Variants in TMC7 observed in about 807,000 individuals in gnomAD.
TMC7 encodes the protein transmembrane channel-like protein 7.
Under a neutral mutation model 82.9 loss-of-function variants are expected in TMC7, and 54 were observed. The observed-to-expected ratio is 0.65, with a 90% confidence interval of 0.52 to 0.82. The LOEUF (loss-of-function observed/expected upper bound fraction) is 0.82, where lower values mean the gene tolerates loss of function less well. Ranked by LOEUF, TMC7 falls within the 40% of genes least tolerant of loss-of-function variation. TMC7 has a pLI of 0.00. For missense variants in TMC7, 820 were observed against 901.2 expected (o/e 0.91, Z 1.15); for synonymous variants, 350 against 337.9 (o/e 1.04, Z -0.39).
At chr16:18,987,385 A>T (rs560226287) in intron 1 of TMC7, among the ~76,000 whole-genome samples, 12 of 151,978 alleles carry the variant, frequency 7.9e-5, no homozygotes, top group South Asian at 6.2e-4. Context: ...ATCTCGGCTC[A>T]CCACAACCTC....
In TMC7 at chr16:19,061,891, T is replaced by C. The variant is rs1962027637; in HGVS notation, c.*48T>C. The C allele has an allele frequency of 1.3e-6, 2 of 1,530,240 alleles. No individual in the cohort carries two copies. The highest frequency in any genetic ancestry group is 3.6e-5 in the Admixed American group (2 of 55,324). 94.8% of individuals were successfully genotyped at this position (1,530,240 alleles called of 1,614,324 possible). On this transcript the variant is annotated 3_prime_UTR_variant, in exon 16 of 16. Transcript: ENST00000304381. ...GCTGCCTGTTGCTTCTAAGCTGACC[T>C]AGTGATTCTGCTGAGCCTACAGAGT...
Position 18,984,048 on chromosome 16 carries a change from A to T in TMC7, c.-16A>T, listed in dbSNP as rs886911936. ...AGAGGGTCCTCGGCAGCCTCTGAGG[A>T]GCGCGGGGCGCGGCCATGAGCGAGT... On this transcript the variant is annotated 5_prime_UTR_variant, in exon 1 of 16. Transcript: ENST00000304381. The T allele has an allele frequency of 9.5e-6, 14 of 1,471,618 alleles. No individual in the cohort carries two copies. Among genetic ancestry groups the T allele is most frequent in the Non-Finnish European group, 1.3e-5 (14 of 1,119,030 alleles). 91.2% of individuals were successfully genotyped at this position (1,471,618 alleles called of 1,614,324 possible).
intron 11 of TMC7, among the ~76,000 whole-genome samples, chr16:19,045,722 G>A (rs1261879892): frequency 6.8e-6 from 1 of 147,782 alleles, no homozygotes; most frequent in South Asian, 2.2e-4. Flanking sequence ...TCAGCCTCCC[G>A]AGTAGCTGGG....
At chr16:18,995,894 G>C (rs1022183327) in intron 1 of TMC7, among the ~76,000 whole-genome samples, 1 of 152,144 alleles carries the variant, frequency 6.6e-6, no homozygotes, top group Admixed American at 6.6e-5. Flanking sequence ...CTTCCTCCTG[G>C]ATCTAGGACA....
chr16:19,035,605 G>A, intron 6 of TMC7, 71 bp from the exon 7 acceptor site: 1 of 1,597,518 alleles, frequency 6.3e-7, no homozygotes, highest in Non-Finnish European at 8.6e-7. Context: ...TTAAGTTTCA[G>A]ACACAGCCAA....
chr16:19,016,003 G>A (rs911586353), intron 2 of TMC7, among the ~76,000 whole-genome samples: 2 of 152,124 alleles, frequency 1.3e-5, no homozygotes, highest in African/African-American at 4.8e-5. Context: ...CCATAGCGGC[G>A]GCATTTTATA....
intron 2 of TMC7, among the ~76,000 whole-genome samples, chr16:19,010,749 G>A (rs959678389): frequency 3.9e-5 from 6 of 152,102 alleles, no homozygotes; most frequent in African/African-American, 7.2e-5. Context: ...ATCCATAGTC[G>A]GCTGTGGTTG....
chr16:19,004,083 G>C (rs958089537), intron 1 of TMC7, among the ~76,000 whole-genome samples: 3 of 151,826 alleles, frequency 2.0e-5, no homozygotes, highest in Non-Finnish European at 4.4e-5. Flanking sequence ...GAAGCCCTCT[G>C]TGCTTACCTC....
At chr16:19,052,411 G>A (rs938543280) in intron 13 of TMC7, among the ~76,000 whole-genome samples, 6 of 152,140 alleles carry the variant, frequency 3.9e-5, no homozygotes, top group African/African-American at 1.4e-4. Flanking sequence ...TGCCCAGGCT[G>A]ATCTCAAACT....
intron 2 of TMC7, among the ~76,000 whole-genome samples, chr16:19,015,291 C>G (rs566555444): frequency 3.1e-4 from 47 of 150,512 alleles, no homozygotes; most frequent in Non-Finnish European, 5.9e-4. Flanking sequence ...GTGACAGGGC[C>G]TTGCTCTGTC....
At chr16:19,045,196 T>G in intron 10 of TMC7, 145 bp from the exon 11 acceptor site, 1 of 834,576 alleles carries the variant, frequency 1.2e-6, no homozygotes, top group East Asian at 2.4e-5. Flanking sequence ...AGGTCTGTGC[T>G]GAGGCTCAGA....
At chr16:19,003,111 A>T (rs182478021) in intron 1 of TMC7, among the ~76,000 whole-genome samples, 378 of 152,248 alleles carry the variant, frequency 2.5e-3, no homozygotes, top group Non-Finnish European at 4.3e-3. Context: ...CGGGAGGATC[A>T]CTTGAGCCCA....
At chr16:18,984,513 C>T (rs1275977518) in intron 1 of TMC7, 2 of 1,037,354 alleles carry the variant, frequency 1.9e-6, no homozygotes, top group African/African-American at 1.7e-5. Context: ...GACATTTCAG[C>T]CTTCACATAC....
intron 1 of TMC7, among the ~76,000 whole-genome samples, chr16:19,007,257 A>T (rs1372431243): frequency 6.6e-6 from 1 of 152,142 alleles, no homozygotes; most frequent in Non-Finnish European, 1.5e-5. Context: ...CCTACCAGGT[A>T]ACCCTGGCCC....
At chr16:19,057,720 C>T (rs921857236) in intron 14 of TMC7, among the ~76,000 whole-genome samples, 1 of 152,244 alleles carries the variant, frequency 6.6e-6, no homozygotes, top group Non-Finnish European at 1.5e-5. Flanking sequence ...CAGGGGAATA[C>T]TGTGGACGTC....
chr16:18,984,162 T>C, intron 1 of TMC7, 32 bp downstream of exon 1: 1 of 1,482,404 alleles, frequency 6.7e-7, no homozygotes, highest in Non-Finnish European at 8.9e-7. Flanking sequence ...GCGGGGACGG[T>C]GCCCCTGGGG....
At chr16:19,007,675 A>AT (rs1240993422) in intron 1 of TMC7, among the ~76,000 whole-genome samples, 71 of 152,080 alleles carry the variant, frequency 4.7e-4, no homozygotes, top group East Asian at 5.8e-4. Flanking sequence ...GTCTCAAAAA[A>AT]AAAAAAAATA....
At chr16:19,009,137 T>C in intron 1 of TMC7, 35 bp from the exon 2 acceptor site, 1 of 1,600,974 alleles carries the variant, frequency 6.2e-7, no homozygotes, top group Non-Finnish European at 8.5e-7. Flanking sequence ...CCGAACTCAC[T>C]GGAGTGAATG....
At chr16:18,993,205 G>A (rs2038982052) in intron 1 of TMC7, among the ~76,000 whole-genome samples, 1 of 152,144 alleles carries the variant, frequency 6.6e-6, no homozygotes, top group Non-Finnish European at 1.5e-5. Flanking sequence ...TAAAGAATAG[G>A]ACTTCATCAG....
Sources: gnomAD v4.1 joint callset for allele counts (sites outside exome capture counted in the v4.1 genomes callset) on GRCh38, gnomAD v4.1.1 for gene constraint, MANE v1.5 for transcripts, NCBI Gene and HGNC (gene_info 2026-07-23, HGNC 2026-07-21) for gene names.